Variants in SOD2 observed in about 807,000 individuals in gnomAD.
The protein encoded by SOD2 is superoxide dismutase [Mn], mitochondrial.
SOD2 carries 11 observed loss-of-function variants against 27.0 expected under a neutral mutation model. The ratio of observed to expected loss-of-function variants is 0.41; its 90% CI spans 0.26 to 0.67. The LOEUF (loss-of-function observed/expected upper bound fraction) is 0.67. Ranked by LOEUF, SOD2 falls within the 30% of genes least tolerant of loss-of-function variation. The probability of loss-of-function intolerance (pLI) is 0.34; values close to 1 mark genes in which losing one functional copy is unlikely to be tolerated. For missense variants in SOD2, 250 were observed against 274.5 expected (o/e 0.91, Z 0.63); for synonymous variants, 105 against 103.0 (o/e 1.02, Z -0.12).
intron 1 of SOD2, among the ~76,000 whole-genome samples, chr6:159,714,412 G>C (rs778283973): frequency 6.6e-6 from 1 of 151,942 alleles, no homozygotes; most frequent in African/African-American, 2.4e-5. Flanking sequence ...GAACAGACCC[G>C]CACATTCCAT....
exon 1 of SOD2, chr6:159,727,144 C>CCGGGGCCCG: frequency 8.4e-7 from 1 of 1,195,376 alleles, no homozygotes; most frequent in Non-Finnish European, 1.1e-6. Context: ...TTGCTGAGCT[C>CCGGGGCCCG]CGGGGCCCGC....
upstream of SOD2, chr6:159,749,162 G>A (rs1226438554): frequency 1.0e-6 from 1 of 985,818 alleles, no homozygotes; most frequent in African/African-American, 1.7e-5. Flanking sequence ...AAACATGAAG[G>A]TGTGGTATCA....
At chr6:159,741,629 T>TA (rs1779260716) in intron 1 of SOD2, 1 of 155,968 alleles carries the variant, frequency 6.4e-6, no homozygotes, top group African/African-American at 2.4e-5. Flanking sequence ...CTTCTCTATA[T>TA]ATCTCTTTTT....
At chr6:159,731,326 G>A (rs1778557283), upstream of SOD2, among the ~76,000 whole-genome samples, 1 of 151,876 alleles carries the variant, frequency 6.6e-6, no homozygotes, top group Non-Finnish European at 1.5e-5. Context: ...AAATTAGCTG[G>A]GCGTGGTGGT....
At chr6:159,712,148 T>C (rs1203595675) in intron 1 of SOD2, among the ~76,000 whole-genome samples, 1 of 38,458 alleles carries the variant, frequency 2.6e-5, no homozygotes, top group African/African-American at 5.9e-5. Flanking sequence ...TAACCACCAC[T>C]CAGCTGCTCT....
chr6:159,687,936 A>G (rs537933555), intron 3 of SOD2, among the ~76,000 whole-genome samples, 190 bp downstream of exon 3: 8 of 152,130 alleles, frequency 5.3e-5, no homozygotes, highest in Admixed American at 5.2e-4. Flanking sequence ...ACTTGAACCC[A>G]GGAAGCGGAG....
intron 1 of SOD2, among the ~76,000 whole-genome samples, chr6:159,751,418 T>C (rs1233236822): frequency 3.3e-5 from 5 of 152,240 alleles, no homozygotes; most frequent in East Asian, 3.8e-4. Flanking sequence ...ATATATACTT[T>C]GCAAGAAGAC....
chr6:159,751,167 C>G (rs1779806104), intron 1 of SOD2, among the ~76,000 whole-genome samples: 1 of 152,142 alleles, frequency 6.6e-6, no homozygotes, highest in Admixed American at 6.5e-5. Context: ...TTTTTCAAAA[C>G]TGTGATTTTG....
At chr6:159,682,935 G>C (rs1173368166) in intron 4 of SOD2, among the ~76,000 whole-genome samples, 1 of 152,112 alleles carries the variant, frequency 6.6e-6, no homozygotes, top group Non-Finnish European at 1.5e-5. Flanking sequence ...TAATTCAAGA[G>C]CCAATTCCCA....
rs1373741414 is a variant in SOD2 at position 159,673,013 on chromosome 6, T to G, written c.*9480A>C. 1.3e-5 allele frequency: 2 copies of G among 152,174 alleles called. No individual in the cohort carries two copies. The highest frequency in any genetic ancestry group is 2.9e-5 in the Non-Finnish European group (2 of 68,036). The allele number at this position is 152,174 out of a possible 1,614,324, so 9.4% of individuals were successfully genotyped here. On this transcript the variant is annotated 3_prime_UTR_variant, in exon 5 of 5. Transcript: ENST00000538183. ...AAAAGAGACAAAGAAGGCCATTACA[T>G]GATAGTAAAGGGATCAATTCAACAA... is the stretch of plus-strand genomic sequence containing the variant.
At position 159,757,419 on chromosome 6, in the gene SOD2, CT is replaced by C. The variant is rs4038770; in HGVS notation, c.-336+3617del. On this transcript the variant is annotated intron_variant, in intron 1 of 7. Transcript: ENST00000546087. ...AACCTTTTCTTTTTTTTCTTTTTCTCTTTTTTTTTTTTGCCGAGAGTCTCGC... is the reference window on the plus strand; with the variant it reads ...AACCTTTTCTTTTTTTTCTTTTTCTCTTTTTTTTTTTGCCGAGAGTCTCGC... Among the ~76,000 whole-genome samples, 927 of 143,394 alleles carry C rather than the reference CT, an allele frequency of 6.5e-3. 13 individuals carry two copies. Among genetic ancestry groups the C allele is most frequent in the African/African-American group, 0.021 (839 of 39,082 alleles). 94.1% of individuals were successfully genotyped at this position (143,394 alleles called of 152,430 possible). A position where few individuals can be genotyped will look rare whatever the true frequency, so the allele number is the denominator to read the frequency against.
chr6:159,751,360 C>T (rs1195033989), intron 1 of SOD2, among the ~76,000 whole-genome samples: 1 of 152,154 alleles, frequency 6.6e-6, no homozygotes, highest in Admixed American at 6.5e-5. Flanking sequence ...TTTTTCTACT[C>T]TTTAAAATTC....
intron 1 of SOD2, among the ~76,000 whole-genome samples, chr6:159,716,000 G>A (rs945911198): frequency 6.6e-6 from 1 of 152,044 alleles, no homozygotes; most frequent in African/African-American, 2.4e-5. Context: ...TGGTTTTCTG[G>A]AAATGAATAA....
chr6:159,694,956 T>C (rs1006658935), upstream of SOD2, among the ~76,000 whole-genome samples: 6 of 151,992 alleles, frequency 3.9e-5, no homozygotes, highest in African/African-American at 1.5e-4. Flanking sequence ...TGATTGTTAA[T>C]TGGAAGCTGA....
At chr6:159,707,480 T>C (rs1329300829) in intron 1 of SOD2, among the ~76,000 whole-genome samples, 4 of 152,292 alleles carry the variant, frequency 2.6e-5, no homozygotes, top group Admixed American at 2.0e-4. Context: ...CAGAGAATAC[T>C]ATAAACACCT....
chr6:159,757,817 T>G (rs1780046287), intron 1 of SOD2, among the ~76,000 whole-genome samples: 1 of 152,220 alleles, frequency 6.6e-6, no homozygotes, highest in Non-Finnish European at 1.5e-5. Flanking sequence ...GATACTGTGT[T>G]TGGCTTTTGT....
chr6:159,710,435 T>G (rs1777711987), intron 1 of SOD2, among the ~76,000 whole-genome samples: 1 of 151,896 alleles, frequency 6.6e-6, no homozygotes, highest in Non-Finnish European at 1.5e-5. Context: ...GCGACAGAGT[T>G]AGACTCTGTC....
rs189534134 is a variant in SOD2, at chr6:159,676,398, C to T, written c.*6095G>A. On this transcript the variant is annotated 3_prime_UTR_variant, in exon 5 of 5. Transcript: ENST00000538183. ...TTAAGAAGATGTGGCACATATACACCATGGAATACTATGCAGCCATAAAAA... is the reference window on the plus strand; with the variant it reads ...TTAAGAAGATGTGGCACATATACACTATGGAATACTATGCAGCCATAAAAA... 1 of 152,280 alleles carries T rather than the reference C, an allele frequency of 6.6e-6. No individual in the cohort carries two copies. The highest frequency in any genetic ancestry group is 1.9e-4 in the East Asian group (1 of 5,180). 9.4% of individuals were successfully genotyped at this position (152,280 alleles called of 1,614,324 possible).
chr6:159,744,632 C>G (rs983970022), intron 1 of SOD2, among the ~76,000 whole-genome samples: 2 of 152,200 alleles, frequency 1.3e-5, no homozygotes. Context: ...CGTATTTACT[C>G]TTCTTTCACT....
Sources: allele counts gnomAD v4.1 joint callset (sites outside exome capture counted in the v4.1 genomes callset), GRCh38; gene constraint gnomAD v4.1.1; transcripts MANE v1.5; gene names NCBI Gene and HGNC (gene_info 2026-07-23, HGNC 2026-07-21).